The following GABBR2 variants were observed in gnomAD, a reference collection of about 807,000 sequenced individuals.
The protein encoded by GABBR2 is G-protein coupled receptor 51.
A neutral mutation model predicts 105.6 loss-of-function variants in GABBR2; 23 were observed. The observed-to-expected ratio is 0.22, with a 90% CI of 0.16 to 0.31. The LOEUF (loss-of-function observed/expected upper bound fraction) is 0.31, where lower values mean the gene tolerates loss of function less well. GABBR2 is among the 10% of genes least tolerant of loss of function. GABBR2 has a pLI of 1.00. For missense variants in GABBR2, 734 were observed against 1,245.5 expected (o/e 0.59, Z 6.18); for synonymous variants, 478 against 499.7 (o/e 0.96, Z 0.58).
intron 1 of GABBR2, among the ~76,000 whole-genome samples, chr9:98,677,039 T>C (rs545152212): frequency 1.1e-3 from 166 of 152,332 alleles, no homozygotes; most frequent in African/African-American, 3.9e-3. Context: ...ACTCAAGCTA[T>C]GCCCTCAGCC....
rs1445740868 is a variant in GABBR2, at chr9:98,618,486, A to ATATCTCTCTC, written c.322-40415_322-40414insGAGAGAGATA. Among the ~76,000 whole-genome samples, 8 of 145,182 alleles carry ATATCTCTCTC rather than the reference A, an allele frequency of 5.5e-5. No homozygotes were observed. The South Asian group carries it at 1.4e-3, about 25-fold the overall frequency. On this transcript the variant is annotated intron_variant, in intron 1 of 18. Coordinates refer to ENST00000259455, the MANE Select transcript of GABBR2 (RefSeq NM_005458.8). ...CAAAGGAAAAAAAAAGGTCTGCTGC[A>ATATCTCTCTC]TCTCTCTCTCTCTCTCTCTCTCTCT... is the stretch of plus-strand genomic sequence containing the variant.
intron 2 of GABBR2, among the ~76,000 whole-genome samples, chr9:98,574,102 C>CA: frequency 6.6e-6 from 1 of 152,180 alleles, no homozygotes; most frequent in East Asian, 1.9e-4. Flanking sequence ...AGGAGTTCTG[C>CA]AAAACAGGGC....
At chr9:98,704,462 A>T (rs1564156317) in intron 1 of GABBR2, among the ~76,000 whole-genome samples, 1 of 152,194 alleles carries the variant, frequency 6.6e-6, no homozygotes, top group South Asian at 2.1e-4. Flanking sequence ...GAATGATTAA[A>T]TACGTATGGT....
chr9:98,293,897 C>T lies in GABBR2; in HGVS notation c.2548G>A (p.Gly850Arg). 1 of 1,591,190 alleles carries T rather than the reference C, an allele frequency of 6.3e-7. No homozygotes were observed. The highest frequency in any genetic ancestry group is 8.6e-7 in the Non-Finnish European group (1 of 1,159,320). ...LGNFTESTDG[G>R]KAILKNHLDQ... ...AGGTGATTTTTTAAAATGGCCTTTC[C>T]TCCATCTGAATGCAAAACAACAATA... Residue 850 changes from glycine to arginine, a missense_variant, in exon 18 of 19, where the codon GGA becomes AGA. Around this residue, in one of 7 missense-constraint regions of GABBR2, gnomAD observed 134 missense variants for 171.2 expected, o/e 0.78. Coordinates refer to ENST00000259455, the MANE Select transcript of GABBR2 (RefSeq NM_005458.8).
intron 1 of GABBR2, among the ~76,000 whole-genome samples, chr9:98,692,326 G>A (rs1830692028): frequency 6.6e-6 from 1 of 152,160 alleles, no homozygotes; most frequent in African/African-American, 2.4e-5. Flanking sequence ...GGCAAGCTGT[G>A]GTGGCCAGCA....
chr9:98,317,406 T>C (rs1294135965), intron 13 of GABBR2, among the ~76,000 whole-genome samples: 1 of 152,184 alleles, frequency 6.6e-6, no homozygotes, highest in Non-Finnish European at 1.5e-5. Flanking sequence ...CCTGCAAATA[T>C]CCCGCTCTGT....
At chr9:98,642,463 T>C (rs1036004401) in intron 1 of GABBR2, among the ~76,000 whole-genome samples, 1 of 152,232 alleles carries the variant, frequency 6.6e-6, no homozygotes, top group African/African-American at 2.4e-5. Flanking sequence ...GAATTTATCA[T>C]GTCCTTCCTC....
intron 3 of GABBR2, among the ~76,000 whole-genome samples, chr9:98,517,864 A>G (rs7024986): frequency 0.83 from 125,607 of 151,170 alleles, 52,659 homozygotes; most frequent in East Asian, 0.94. Flanking sequence ...GGAGCCCAGC[A>G]GGAGTCAGAA....
chr9:98,606,151 A>G lies in GABBR2; in HGVS notation c.322-28079T>C, dbSNP rs550655403. On this transcript the variant is annotated intron_variant, in intron 1 of 18. Transcript: ENST00000259455. ...GTATTCCATGGTGTATATGTGCCAC[A>G]TTTTCTTAATCCAGTGTATCATTGA... Among the ~76,000 whole-genome samples, 4 of 152,270 alleles carry G rather than the reference A, an allele frequency of 2.6e-5. 1 individual carries two copies. The South Asian group carries it at 8.3e-4, about 32-fold the overall frequency.
intron 13 of GABBR2, among the ~76,000 whole-genome samples, chr9:98,355,667 T>G (rs1394514576): frequency 6.6e-6 from 1 of 152,212 alleles, no homozygotes; most frequent in East Asian, 1.9e-4. Context: ...ATCTATACAT[T>G]CAGTGTAATC....
In GABBR2 at chr9:98,311,063, C is replaced by G. The variant is rs749646567; in HGVS notation, c.2004+32G>C. 16 of 1,185,360 alleles carry G rather than the reference C, an allele frequency of 1.3e-5. No individual in the cohort carries two copies. The Middle Eastern group carries it at 5.7e-4, about 42-fold the overall frequency. The allele number at this position is 1,185,360 out of a possible 1,614,324, so 73.4% of individuals were successfully genotyped here. A position where few individuals can be genotyped will look rare whatever the true frequency, so the allele number is the denominator to read the frequency against. ...ACAGAGGCCCAACAAAGAAGTGTCC[C>G]CCCTCAACACTGTCTCCTGCTCTGC... On this transcript the variant is annotated intron_variant, in intron 14 of 18. Coordinates refer to ENST00000259455, the MANE Select transcript of GABBR2 (RefSeq NM_005458.8).
intron 1 of GABBR2, among the ~76,000 whole-genome samples, chr9:98,670,601 G>T (rs1830395433): frequency 6.6e-6 from 1 of 152,214 alleles, no homozygotes; most frequent in African/African-American, 2.4e-5. Context: ...CAACAGATGA[G>T]TGAATAGCAA....
intron 7 of GABBR2, among the ~76,000 whole-genome samples, chr9:98,414,713 G>A (rs1006826541): frequency 3.9e-5 from 6 of 152,170 alleles, no homozygotes; most frequent in Non-Finnish European, 7.4e-5. Context: ...CTTCCTGACG[G>A]TTGGGTGCGG....
At chr9:98,439,667 A>T (rs1440493999) in intron 7 of GABBR2, among the ~76,000 whole-genome samples, 1 of 152,214 alleles carries the variant, frequency 6.6e-6, no homozygotes, top group Non-Finnish European at 1.5e-5. Context: ...TATGAATGTC[A>T]GAATGTGAAT....
chr9:98,336,075 G>C (rs576356637), intron 13 of GABBR2, among the ~76,000 whole-genome samples: 2 of 152,340 alleles, frequency 1.3e-5, no homozygotes, highest in African/African-American at 2.4e-5. Context: ...GAGAAAGAAT[G>C]TTGGGGGACA....
intron 1 of GABBR2, among the ~76,000 whole-genome samples, chr9:98,668,483 T>G (rs528937594): frequency 1.6e-4 from 25 of 152,298 alleles, no homozygotes; most frequent in African/African-American, 5.8e-4. Flanking sequence ...CATTTTAACT[T>G]TCTTAATTCC....
chr9:98,607,406 C>T (rs1448550471), intron 1 of GABBR2: 2 of 647,124 alleles, frequency 3.1e-6, no homozygotes, highest in Admixed American at 5.3e-5. Flanking sequence ...CACTTATTGC[C>T]ACAGAAGACA....
At chr9:98,292,132 A>G (rs1405572655) in intron 18 of GABBR2, among the ~76,000 whole-genome samples, 1 of 152,168 alleles carries the variant, frequency 6.6e-6, no homozygotes, top group East Asian at 1.9e-4. Context: ...CCATGGGTGC[A>G]ACTTTCACAC....
chr9:98,674,907 T>G (rs148965752), intron 1 of GABBR2, among the ~76,000 whole-genome samples: 1 of 152,166 alleles, frequency 6.6e-6, no homozygotes, highest in South Asian at 2.1e-4. Flanking sequence ...CTACACCCTC[T>G]TCTCTTTCTG....
Sources: gnomAD v4.1 joint callset for allele counts (sites outside exome capture counted in the v4.1 genomes callset) on GRCh38, gnomAD v4.1.1 for gene constraint, gnomAD v4.1.1 regional missense constraint, MANE v1.5 for transcripts, NCBI Gene and HGNC (gene_info 2026-07-23, HGNC 2026-07-21) for gene names.